The following FUT8 variants were observed in gnomAD, a reference collection of about 807,000 sequenced individuals.
The protein encoded by FUT8 is fucosyltransferase 8.
Under a neutral mutation model 71.3 loss-of-function variants are expected in FUT8, and 29 were observed. That is an observed-to-expected ratio of 0.41 (90% CI 0.30 to 0.55). FUT8 has a LOEUF of 0.55. FUT8 is among the 20% of genes least tolerant of loss of function. FUT8 has a pLI of 0.34. For synonymous variants in FUT8, 254 were observed against 239.3 expected (o/e 1.06, Z -0.57); for missense variants, 544 against 702.1 (o/e 0.77, Z 2.55).
At chr14:65,687,358 T>A (rs1893344146) in intron 7 of FUT8, among the ~76,000 whole-genome samples, 1 of 152,180 alleles carries the variant, frequency 6.6e-6, no homozygotes, top group South Asian at 2.1e-4. Flanking sequence ...AGAGATTGTG[T>A]TAATTGGACA....
At chr14:65,359,833 C>T in the FUT8 span, among the ~76,000 whole-genome samples, 2 of 150,522 alleles carry the variant, frequency 1.3e-5, no homozygotes, top group South Asian at 4.2e-4. Context: ...AAGGCACACT[C>T]TTTTTTTTTT....
intron 5 of FUT8, among the ~76,000 whole-genome samples, chr14:65,618,833 G>A (rs1048767964): frequency 1.3e-5 from 2 of 152,118 alleles, no homozygotes; most frequent in African/African-American, 4.8e-5. Flanking sequence ...CTGCCACCTG[G>A]GTATGGGCCT....
intron 3 of FUT8, among the ~76,000 whole-genome samples, chr14:65,575,161 A>G (rs927997296): frequency 3.9e-5 from 6 of 151,908 alleles, no homozygotes; most frequent in African/African-American, 1.4e-4. Flanking sequence ...GTCCAAGGGT[A>G]TAAATTTGCA....
chr14:65,611,118 C>T (rs1888865720), intron 3 of FUT8, among the ~76,000 whole-genome samples: 1 of 151,000 alleles, frequency 6.6e-6, no homozygotes, highest in African/African-American at 2.4e-5. Context: ...CCAACCACCT[C>T]TTTTTTTCAT....
intron 3 of FUT8, among the ~76,000 whole-genome samples, chr14:65,597,413 G>A (rs1432068911): frequency 1.3e-5 from 2 of 152,010 alleles, no homozygotes; most frequent in South Asian, 2.1e-4. Context: ...TGGATCACGA[G>A]GTCAGGAGAT....
rs549071418 is a variant in FUT8, at chr14:65,470,004, C to T, written c.-228+14286C>T. 1.5e-3 allele frequency among the ~76,000 whole-genome samples: 227 copies of T among 152,334 alleles called. 2 individuals are homozygous for T. The highest frequency in any genetic ancestry group is 5.2e-3 in the African/African-American group (218 of 41,596). ...TATCTGGGGACGTGCCCCCTTCCAC[C>T]CAGGAGCCTGTCTGCTTCCTGCCAC... On this transcript the variant is annotated intron_variant, in intron 2 of 10. Transcript: ENST00000673929.
At chr14:65,640,957 G>A (rs1890797091) in intron 6 of FUT8, among the ~76,000 whole-genome samples, 1 of 152,036 alleles carries the variant, frequency 6.6e-6, no homozygotes, top group Admixed American at 6.5e-5. Flanking sequence ...AAACTCAAGG[G>A]TAATCTCTTT....
At chr14:65,498,931 A>G (rs1220831339) in intron 2 of FUT8, among the ~76,000 whole-genome samples, 1 of 152,178 alleles carries the variant, frequency 6.6e-6, no homozygotes, top group Non-Finnish European at 1.5e-5. Flanking sequence ...AGCCTCATGT[A>G]CATTACTTTT....
chr14:65,663,625 T>C (rs572641572), intron 6 of FUT8, among the ~76,000 whole-genome samples: 20 of 152,264 alleles, frequency 1.3e-4, no homozygotes, highest in African/African-American at 4.8e-4. Flanking sequence ...TTCCATTGAT[T>C]ACCTTATATG....
chr14:65,444,090 G>A (rs1185241728), intron 1 of FUT8, among the ~76,000 whole-genome samples: 2 of 152,296 alleles, frequency 1.3e-5, no homozygotes, highest in South Asian at 4.1e-4. Context: ...AAGACATCAA[G>A]CTTAGTTTAG....
intron 6 of FUT8, among the ~76,000 whole-genome samples, chr14:65,661,567 G>A (rs1010313061): frequency 9.2e-5 from 14 of 152,130 alleles, no homozygotes; most frequent in African/African-American, 3.4e-4. Flanking sequence ...CAATTACATT[G>A]TGGCTGGAAA....
At chr14:65,391,892 A>G in the FUT8 span, among the ~76,000 whole-genome samples, 2 of 151,166 alleles carry the variant, frequency 1.3e-5, no homozygotes, top group African/African-American at 2.4e-5. Flanking sequence ...AAAGTGCTGG[A>G]ATTACAGGTG....
At chr14:65,536,970 T>C (rs1180720507) in intron 2 of FUT8, among the ~76,000 whole-genome samples, 1 of 23,590 alleles carries the variant, frequency 4.2e-5, no homozygotes, top group African/African-American at 1.4e-4. Flanking sequence ...CTTCTTCTTC[T>C]TTTTTTTTTT....
In FUT8 at chr14:65,559,555, G is replaced by A. The variant is rs73286112; in HGVS notation, c.-227-1782G>A. Among the ~76,000 whole-genome samples, 1,436 of 149,904 alleles carry A rather than the reference G, an allele frequency of 9.6e-3. 22 individuals carry two copies. The highest frequency in any genetic ancestry group is 0.035 in the African/African-American group (1,368 of 39,634). On this transcript the variant is annotated intron_variant, in intron 2 of 10. Transcript: ENST00000673929. ...ATCTTAATAGCTTAGAATTAACTAGGATATAGTACAGTTTCAGCATATAAG... is the reference window on the plus strand; with the variant it reads ...ATCTTAATAGCTTAGAATTAACTAGAATATAGTACAGTTTCAGCATATAAG...
chr14:65,693,812 T>C (rs1313839833), intron 7 of FUT8, among the ~76,000 whole-genome samples: 1 of 152,228 alleles, frequency 6.6e-6, no homozygotes, highest in Non-Finnish European at 1.5e-5. Context: ...AGTGAAACTA[T>C]CTGAGTGTGG....
chr14:65,410,594 T>C (rs1415092842), upstream of FUT8: 2 of 138,722 alleles, frequency 1.4e-5, no homozygotes, highest in Non-Finnish European at 3.2e-5. Context: ...TTTTTTTTTT[T>C]CAGTTGGAAG....
At chr14:65,398,392 AT>A in the FUT8 span, among the ~76,000 whole-genome samples, 1 of 152,150 alleles carries the variant, frequency 6.6e-6, no homozygotes, top group Non-Finnish European at 1.5e-5. Context: ...TTACTTATTT[AT>A]TTATTTATTA....
intron 6 of FUT8, among the ~76,000 whole-genome samples, chr14:65,654,873 G>T (rs1891591394): frequency 6.6e-6 from 1 of 151,804 alleles, no homozygotes; most frequent in Non-Finnish European, 1.5e-5. Flanking sequence ...AAAAAATACA[G>T]GACAAAGACT....
intron 2 of FUT8, among the ~76,000 whole-genome samples, chr14:65,459,910 A>T (rs1353551355): frequency 1.3e-5 from 2 of 152,234 alleles, no homozygotes; most frequent in African/African-American, 4.8e-5. Flanking sequence ...AACTTGCTTG[A>T]GATACTTTTC....
Sources: gnomAD v4.1 joint callset for allele counts (sites outside exome capture counted in the v4.1 genomes callset) on GRCh38, gnomAD v4.1.1 for gene constraint, MANE v1.5 for transcripts, NCBI Gene and HGNC (gene_info 2026-07-23, HGNC 2026-07-21) for gene names.